SH3D19: variants seen among roughly 807,000 people sequenced by gnomAD.
The protein encoded by SH3D19 is SH3 domain-containing protein 19.
Under a neutral mutation model 112.1 loss-of-function variants are expected in SH3D19, and 58 were observed. The ratio of observed to expected loss-of-function variants is 0.52; its 90% CI spans 0.42 to 0.64. The LOEUF (loss-of-function observed/expected upper bound fraction) is 0.64, where lower values mean the gene tolerates loss of function less well. Among genes scored for constraint, SH3D19 ranks in the 30% least tolerant of loss-of-function variants. The pLI is 0.00. For missense variants in SH3D19, 1,090 were observed against 1,263.4 expected, an observed-to-expected ratio of 0.86 and a Z score of 2.08; for synonymous variants, 391 against 448.5, an observed-to-expected ratio of 0.87 and a Z score of 1.62.
chr4:151,320,235 C>T (rs368208966), intron 1 of SH3D19, among the ~76,000 whole-genome samples: 9 of 152,192 alleles, frequency 5.9e-5, no homozygotes, highest in Admixed American at 2.0e-4. Flanking sequence ...ATTTAGTTAG[C>T]ATTTAGTAAG....
Position 151,266,062 on chromosome 4 carries a change from T to TA in SH3D19, c.113-39977dup, listed in dbSNP as rs201391621. The TA allele has an allele frequency of 3.7e-3, 570 of 152,270 alleles. 4 individuals are homozygous for TA. Among genetic ancestry groups the TA allele is most frequent in the African/African-American group, 0.013 (548 of 41,554 alleles). 9.4% of individuals were successfully genotyped at this position (152,270 alleles called of 1,614,324 possible). A position where few individuals can be genotyped will look rare whatever the true frequency, so the allele number is the denominator to read the frequency against. On this transcript the variant is annotated intron_variant, in intron 1 of 19. Transcript: ENST00000604030. ...GAGATAGTTACATGTAGGACAAACC[T>TA]AAAAGATTTTAGTAAATACACACCT...
At position 151,299,898 on chromosome 4, in the gene SH3D19, C is replaced by T. The variant is rs532577856; in HGVS notation, c.112+25343G>A. On this transcript the variant is annotated intron_variant, in intron 1 of 19. Coordinates refer to ENST00000604030, the MANE Select transcript of SH3D19 (RefSeq NM_001378122.1). The stretch of plus-strand genomic sequence containing the variant: ...TTAAACTTCTAAAAACAGGTTGCAG[C>T]GAAAGAAATAAAACCAATGTCGGCC... 4.9e-4 allele frequency among the ~76,000 whole-genome samples: 75 copies of T among 152,134 alleles called. 1 individual carries two copies. Among genetic ancestry groups the T allele is most frequent in the Middle Eastern group, 3.4e-3 (1 of 294 alleles).
chr4:151,206,327 CTG>C (rs1193987827), intron 2 of SH3D19, among the ~76,000 whole-genome samples: 1 of 151,852 alleles, frequency 6.6e-6, no homozygotes, highest in Non-Finnish European at 1.5e-5. Context: ...GTGTGTGTGT[CTG>C]TGTGTGTTTT....
intron 3 of SH3D19, among the ~76,000 whole-genome samples, chr4:151,180,386 A>G (rs1333200566): frequency 6.7e-6 from 1 of 150,250 alleles, no homozygotes; most frequent in African/African-American, 2.4e-5. Flanking sequence ...TCTAGAACAT[A>G]TCACATATGG....
intron 1 of SH3D19, among the ~76,000 whole-genome samples, chr4:151,312,438 C>A (rs898655995): frequency 6.6e-6 from 1 of 152,170 alleles, no homozygotes; most frequent in Non-Finnish European, 1.5e-5. Context: ...ATCTGGAAAT[C>A]TGAGGGTGGG....
intron 7 of SH3D19, chr4:151,170,728 T>C (rs1269231065): frequency 6.6e-6 from 1 of 152,208 alleles, no homozygotes; most frequent in African/African-American, 2.4e-5. Flanking sequence ...ATTATGCTTA[T>C]GTTCAGCTCT....
chr4:151,133,244 A>T lies in SH3D19; in HGVS notation c.2487-8T>A. 6.2e-7 allele frequency: 1 copy of T among 1,613,570 alleles called. No homozygotes were observed. Among genetic ancestry groups the T allele is most frequent in the East Asian group, 2.2e-5 (1 of 44,870 alleles). On this transcript the variant is annotated splice_region_variant and splice_polypyrimidine_tract_variant and intron_variant, in intron 15 of 19. Coordinates refer to ENST00000604030, the MANE Select transcript of SH3D19 (RefSeq NM_001378122.1). The stretch of plus-strand genomic sequence containing the variant: ...GCAACACATCTTGAGCCTCTGAATG[A>T]AGAACACATTTTGTGGATTAGACTA...
chr4:151,150,232 C>T (rs1227353599), intron 9 of SH3D19, among the ~76,000 whole-genome samples: 2 of 43,848 alleles, frequency 4.6e-5, no homozygotes, highest in Non-Finnish European at 1.8e-4. Flanking sequence ...TATATATACA[C>T]ACACACATAT....
intron 3 of SH3D19, among the ~76,000 whole-genome samples, chr4:151,180,044 T>C (rs1425235839): frequency 1.3e-5 from 2 of 151,758 alleles, no homozygotes; most frequent in Admixed American, 6.6e-5. Flanking sequence ...CACCATGCCT[T>C]GGTAATTTTT....
intron 2 of SH3D19, among the ~76,000 whole-genome samples, chr4:151,197,008 T>C (rs116032591): frequency 2.0e-4 from 31 of 152,288 alleles, no homozygotes; most frequent in African/African-American, 7.0e-4. Flanking sequence ...GATGTTGGTA[T>C]GGATGCAGTG....
intron 1 of SH3D19, among the ~76,000 whole-genome samples, chr4:151,309,797 C>A (rs767184317): frequency 5.9e-5 from 9 of 151,876 alleles, no homozygotes; most frequent in Non-Finnish European, 8.8e-5. Flanking sequence ...CTAGGCCAGC[C>A]TGGGCAACAC....
At chr4:151,170,469 T>C (rs1215680254) in intron 7 of SH3D19, 1 of 152,002 alleles carries the variant, frequency 6.6e-6, no homozygotes, top group Non-Finnish European at 1.5e-5. Flanking sequence ...ATAAAAACTC[T>C]TTTTCTGGGG....
chr4:151,263,716 T>G (rs1772551857), intron 1 of SH3D19, among the ~76,000 whole-genome samples: 1 of 152,234 alleles, frequency 6.6e-6, no homozygotes, highest in African/African-American at 2.4e-5. Context: ...GGAATGCCTT[T>G]GGCAGCTGGC....
intron 1 of SH3D19, among the ~76,000 whole-genome samples, chr4:151,309,948 C>T (rs1729279686): frequency 6.6e-6 from 1 of 151,894 alleles, no homozygotes; most frequent in African/African-American, 2.4e-5. Flanking sequence ...AGAGATGACA[C>T]CGCTGCCCTC....
At chr4:151,177,588 A>G (rs1004508722) in intron 4 of SH3D19, among the ~76,000 whole-genome samples, 5 of 152,186 alleles carry the variant, frequency 3.3e-5, no homozygotes, top group Non-Finnish European at 7.3e-5. Context: ...ACCACAAGCA[A>G]TCTGCCCACC....
intron 17 of SH3D19, 47 bp from the exon 18 acceptor site, chr4:151,128,403 A>C: frequency 6.6e-7 from 1 of 1,506,150 alleles, no homozygotes; most frequent in Non-Finnish European, 9.0e-7. Context: ...ATTTTATTTG[A>C]AATTGAGTTC....
rs1467355141 is a variant in SH3D19, at chr4:151,121,604, A to G, written c.*487T>C. The G allele has an allele frequency of 2.0e-5, 3 of 152,370 alleles. No homozygotes were observed. Among genetic ancestry groups the G allele is most frequent in the Non-Finnish European group, 4.4e-5 (3 of 68,160 alleles). The allele number at this position is 152,370 out of a possible 1,614,324, so 9.4% of individuals were successfully genotyped here. On this transcript the variant is annotated 3_prime_UTR_variant, in exon 20 of 20. Coordinates refer to ENST00000604030, the MANE Select transcript of SH3D19 (RefSeq NM_001378122.1). ...TCTGAAGGAAGGATTTGCTCTGGTAATAAGGCTGATATGCTCAAGCTGTAA... is the reference window on the plus strand; with the variant it reads ...TCTGAAGGAAGGATTTGCTCTGGTAGTAAGGCTGATATGCTCAAGCTGTAA...
chr4:151,283,626 T>A (rs892687323), intron 1 of SH3D19, among the ~76,000 whole-genome samples: 2 of 150,052 alleles, frequency 1.3e-5, no homozygotes, highest in African/African-American at 4.9e-5. Context: ...CAATCAGTCA[T>A]CCTCCCACTT....
At chr4:151,296,804 G>T (rs934451037) in intron 1 of SH3D19, among the ~76,000 whole-genome samples, 2 of 152,042 alleles carry the variant, frequency 1.3e-5, no homozygotes, top group Non-Finnish European at 2.9e-5. Context: ...TCCTAAATGT[G>T]GGGAAGATTT....
Sources: allele counts gnomAD v4.1 joint callset (sites outside exome capture counted in the v4.1 genomes callset), GRCh38; gene constraint gnomAD v4.1.1; transcripts MANE v1.5; gene names NCBI Gene and HGNC (gene_info 2026-07-23, HGNC 2026-07-21).